The following CREB5 variants were observed in gnomAD, a reference collection of about 807,000 sequenced individuals.
The protein encoded by CREB5 is cAMP responsive element binding protein 5, also known as cyclic AMP-responsive element-binding protein 5.
Under a neutral mutation model 57.1 loss-of-function variants are expected in CREB5, and 19 were observed. That is an observed-to-expected ratio of 0.33 (90% CI 0.23 to 0.49). The LOEUF (loss-of-function observed/expected upper bound fraction) is 0.49. CREB5 is among the 20% of genes least tolerant of loss of function. CREB5 has a pLI of 0.99. For missense variants in CREB5, 579 were observed against 671.6 expected (o/e 0.86, Z 1.52); for synonymous variants, 238 against 238.3 (o/e 1.00, Z 0.01).
intron 9 of CREB5, 61 bp downstream of exon 9, chr7:28,809,475 G>A (rs1808970878): frequency 1.4e-6 from 2 of 1,450,896 alleles, no homozygotes; most frequent in South Asian, 1.3e-5. Flanking sequence ...GGCATTTCCG[G>A]CCCTGACAGG....
At chr7:28,785,734 G>T (rs769698334) in intron 7 of CREB5, among the ~76,000 whole-genome samples, 11 of 152,170 alleles carry the variant, frequency 7.2e-5, no homozygotes, top group Non-Finnish European at 1.0e-4. Context: ...TCTTAATGGG[G>T]TGGGAGTGGG....
intron 1 of CREB5, among the ~76,000 whole-genome samples, chr7:28,360,577 T>C (rs12112704): frequency 0.6 from 90,670 of 151,692 alleles, 27,592 homozygotes; most frequent in Admixed American, 0.66. Flanking sequence ...GTGGGGGAAA[T>C]AGGGAGATGT....
At chr7:28,719,661 C>T (rs1316012402) in intron 6 of CREB5, among the ~76,000 whole-genome samples, 6 of 152,150 alleles carry the variant, frequency 3.9e-5, no homozygotes, top group Non-Finnish European at 7.4e-5. Flanking sequence ...GGCTGAGTAA[C>T]TTGGCTAGGG....
intron 1 of CREB5, among the ~76,000 whole-genome samples, chr7:28,429,595 A>T (rs530652486): frequency 1.3e-5 from 2 of 152,000 alleles, no homozygotes; most frequent in Non-Finnish European, 2.9e-5. Flanking sequence ...CGCTTTTTTG[A>T]TAGGTAATAT....
chr7:28,598,343 T>C (rs780691203), intron 5 of CREB5, among the ~76,000 whole-genome samples: 22 of 152,186 alleles, frequency 1.4e-4, no homozygotes, highest in Non-Finnish European at 2.4e-4. Flanking sequence ...CCTCTTTTTC[T>C]TCCCAGTCTT....
In CREB5 at chr7:28,358,235, T is replaced by G. The variant is rs1340980712; in HGVS notation, c.-25+58794T>G. Among the ~76,000 whole-genome samples, 3 of 152,208 alleles carry G rather than the reference T, an allele frequency of 2.0e-5. No individual in the cohort carries two copies. The East Asian group carries it at 5.8e-4, about 29-fold the overall frequency. ...CTCACAGGCTCTGTCTACCTTATCA[T>G]AAACACTGGGTTAAAACATAAGGAG... On this transcript the variant is annotated intron_variant, in intron 1 of 9. Transcript: ENST00000396299.
At chr7:28,656,054 T>C (rs1371792782) in intron 5 of CREB5, among the ~76,000 whole-genome samples, 1 of 152,202 alleles carries the variant, frequency 6.6e-6, no homozygotes, top group Admixed American at 6.5e-5. Context: ...TTGAATATAA[T>C]TTTTATTGAT....
intron 3 of CREB5, among the ~76,000 whole-genome samples, chr7:28,497,412 G>A (rs911365539): frequency 1.3e-5 from 2 of 152,136 alleles, no homozygotes; most frequent in African/African-American, 4.8e-5. Context: ...ATATTATTTG[G>A]GGAAAAGTAA....
In CREB5 at chr7:28,568,828, G is replaced by A. The variant is rs79867974; in HGVS notation, c.292-1537G>A. Among the ~76,000 whole-genome samples, 1,083 of 152,260 alleles carry A rather than the reference G, an allele frequency of 7.1e-3. 13 individuals are homozygous for A. Among genetic ancestry groups the A allele is most frequent in the African/African-American group, 0.024 (1,008 of 41,532 alleles). The stretch of plus-strand genomic sequence containing the variant: ...GATGGACACAGCCACCCCAAATACC[G>A]TATATGTTATCACCATCGTTTAACA... On this transcript the variant is annotated intron_variant, in intron 4 of 10. Transcript: ENST00000357727.
intron 1 of CREB5, among the ~76,000 whole-genome samples, chr7:28,305,005 T>G (rs1354237180): frequency 2.0e-5 from 3 of 152,228 alleles, no homozygotes; most frequent in Admixed American, 1.3e-4. Context: ...TTTGTCAAAT[T>G]TTATAACTAG....
intron 5 of CREB5, among the ~76,000 whole-genome samples, chr7:28,677,076 C>A (rs1439654670): frequency 3.3e-5 from 5 of 152,096 alleles, no homozygotes; most frequent in African/African-American, 1.2e-4. Context: ...CACTTTAGGA[C>A]AGATTACTAA....
chr7:28,718,631 T>C (rs1802839350), intron 5 of CREB5, 122 bp from the exon 6 acceptor site: 1 of 1,313,240 alleles, frequency 7.6e-7, no homozygotes, highest in Non-Finnish European at 1.0e-6. Context: ...ATTATGTGAC[T>C]CTCCCATCAG....
intron 1 of CREB5, among the ~76,000 whole-genome samples, chr7:28,316,906 T>C (rs1453044311): frequency 6.6e-6 from 1 of 151,882 alleles, no homozygotes; most frequent in Non-Finnish European, 1.5e-5. Flanking sequence ...TGATAATACT[T>C]GTCTTGAAGA....
At chr7:28,619,674 A>G (rs1227437215) in intron 5 of CREB5, among the ~76,000 whole-genome samples, 1 of 152,178 alleles carries the variant, frequency 6.6e-6, no homozygotes, top group Admixed American at 6.5e-5. Context: ...TCTAAAATAA[A>G]TGTGTCATGT....
At position 28,704,741 on chromosome 7, in the gene CREB5, G is replaced by A. The variant is rs528053473; in HGVS notation, c.465-14012G>A. 3.3e-5 allele frequency among the ~76,000 whole-genome samples: 5 copies of A among 152,266 alleles called. No homozygotes were observed. In the East Asian group the frequency reaches 9.6e-4, roughly 29 times the overall value. On this transcript the variant is annotated intron_variant, in intron 5 of 10. Coordinates refer to ENST00000357727, the MANE Select transcript of CREB5 (RefSeq NM_182898.4). ...CAAAACACTGGGATTACAGATGTGA[G>A]CCACTGCACCCAGCCGGATTACTCT... is the stretch of plus-strand genomic sequence containing the variant.
chr7:28,792,050 A>C (rs577143919), intron 7 of CREB5, among the ~76,000 whole-genome samples: 120 of 152,344 alleles, frequency 7.9e-4, no homozygotes, highest in African/African-American at 2.8e-3. Flanking sequence ...CATGCCTGTA[A>C]TCCCAGCACC....
At chr7:28,319,453 A>G (rs1785448295) in intron 1 of CREB5, among the ~76,000 whole-genome samples, 1 of 152,218 alleles carries the variant, frequency 6.6e-6, no homozygotes, top group Admixed American at 6.5e-5. Context: ...TTTGATTCCC[A>G]AGATTCCTAG....
At chr7:28,530,334 G>T (rs113280535) in intron 4 of CREB5, among the ~76,000 whole-genome samples, 3,250 of 152,268 alleles carry the variant, frequency 0.021, 94 homozygotes, top group African/African-American at 0.073. Flanking sequence ...AGGGAACAAG[G>T]TTCACCATCA....
At chr7:28,644,830 C>A (rs1406736213) in intron 5 of CREB5, among the ~76,000 whole-genome samples, 1 of 152,004 alleles carries the variant, frequency 6.6e-6, no homozygotes, top group Admixed American at 6.6e-5. Flanking sequence ...GTTTTGTTGT[C>A]CCACCAATGT....
Sources: allele counts gnomAD v4.1 joint callset (sites outside exome capture counted in the v4.1 genomes callset), GRCh38; gene constraint gnomAD v4.1.1; transcripts MANE v1.5; gene names NCBI Gene and HGNC (gene_info 2026-07-23, HGNC 2026-07-21).